INPP1: variants seen among roughly 807,000 people sequenced by gnomAD.
INPP1 encodes the protein inositol polyphosphate-1-phosphatase.
Under a neutral mutation model 23.0 loss-of-function variants are expected in INPP1, and 18 were observed. That is an observed-to-expected ratio of 0.78 (90% CI 0.54 to 1.16). The LOEUF is 1.16. Ranked by LOEUF, INPP1 falls within the 50% of genes most tolerant of loss-of-function variation. INPP1 has a pLI of 0.00. For missense variants in INPP1, 448 were observed against 482.1 expected, an observed-to-expected ratio of 0.93 and a Z score of 0.66; for synonymous variants, 164 against 176.3, an observed-to-expected ratio of 0.93 and a Z score of 0.55.
chr2:190,365,959 T>TGCTCTCTCTCGCTCTCTCGCTCTGTCTC (rs1251176552), intron 4 of INPP1, among the ~76,000 whole-genome samples: 1 of 114,080 alleles, frequency 8.8e-6, no homozygotes, highest in Non-Finnish European at 1.8e-5. Flanking sequence ...CTCACTCTTT[T>TGCTCTCTCTCGCTCTCTCGCTCTGTCTC]GCTCTCTCTC....
chr2:190,358,470 G>A (rs1370168961), intron 2 of INPP1, among the ~76,000 whole-genome samples: 1 of 152,118 alleles, frequency 6.6e-6, no homozygotes, highest in Non-Finnish European at 1.5e-5. Flanking sequence ...CGCCTGCCTC[G>A]GCCTTCCAAA....
chr2:190,350,737 TA>T (rs1689309091), intron 2 of INPP1, among the ~76,000 whole-genome samples: 2 of 152,224 alleles, frequency 1.3e-5, no homozygotes, highest in African/African-American at 4.8e-5. Context: ...AGAGAAATGT[TA>T]GGGTTAAATA....
At chr2:190,369,708 G>A (rs898811856) in intron 6 of INPP1, among the ~76,000 whole-genome samples, 3 of 152,194 alleles carry the variant, frequency 2.0e-5, no homozygotes, top group Non-Finnish European at 4.4e-5. Context: ...CCAATGAAAA[G>A]ATTGGTAGGC....
Position 190,360,112 on chromosome 2 carries a change from A to C in INPP1, c.10A>C (p.Ile4Leu), listed in dbSNP as rs1689505410. MSD[I>L]LRELLCVSEK... ...AAAGCAAGGTTCAGAAATGTCAGAT[A>C]TCCTCCGGGAGCTGCTCTGTGTCTC... The change falls in exon 3 of 7, where the codon ATC (isoleucine) becomes CTC (leucine). Residue 4 changes from isoleucine (I) to leucine (L), a missense_variant. Coordinates refer to ENST00000392329, the MANE Select transcript of INPP1 (RefSeq NM_001128928.2). 6.2e-7 allele frequency: 1 copy of C among 1,613,088 alleles called. No homozygotes were observed. The highest frequency in any genetic ancestry group is 8.5e-7 in the Non-Finnish European group (1 of 1,179,984).
At position 190,356,152 on chromosome 2, in the gene INPP1, A is replaced by G. The variant is rs570954896; in HGVS notation, c.-64-3887A>G. ...TGTGAACTGAGTTGAGGATACATGG[A>G]GAGCCAGGGCCTTGGAGAAAGGGAA... is the stretch of plus-strand genomic sequence containing the variant. On this transcript the variant is annotated intron_variant, in intron 2 of 6. Transcript: ENST00000392329. The surrounding 1 kb of genome is among the most constrained non-coding windows in gnomAD (Gnocchi z 6.4). Among the ~76,000 whole-genome samples, 8 of 152,308 alleles carry G rather than the reference A, an allele frequency of 5.3e-5. No homozygotes were observed. The South Asian group carries it at 1.7e-3, about 32-fold the overall frequency.
chr2:190,360,485 G>T (rs1225377488), intron 3 of INPP1, among the ~76,000 whole-genome samples, 179 bp downstream of exon 3: 1 of 152,060 alleles, frequency 6.6e-6, no homozygotes, highest in East Asian at 1.9e-4. Context: ...AATGTTCATT[G>T]CAGGAAATCT....
In INPP1 at chr2:190,371,107, T is replaced by C; in HGVS notation, c.905T>C (p.Val302Ala). ...AGCCTATGTGTTGTCCAAGGCCTCG[T>C]TGACATTTACATCTTTTCAGAAGAT... ...YKSLCVVQGLVDIYIFSEDTT... is the reference protein window; with the variant it reads ...YKSLCVVQGLADIYIFSEDTT... The change falls in exon 7 of 7, where the codon GTT (valine) becomes GCT (alanine). Residue 302 changes from valine to alanine, a missense_variant. Physicochemically the swap from Val to Ala is moderately conservative, Grantham distance 64. Coordinates refer to ENST00000392329, the MANE Select transcript of INPP1 (RefSeq NM_001128928.2). This position sits in a 1 kb window ranked among gnomAD's most constrained non-coding sequence, Gnocchi z 5.3. The C allele has an allele frequency of 1.9e-6, 3 of 1,614,234 alleles. No individual in the cohort carries two copies. Among genetic ancestry groups the C allele is most frequent in the Non-Finnish European group, 1.7e-6 (2 of 1,180,040 alleles).
rs534906149 is a variant in INPP1 at position 190,354,450 on chromosome 2, C to T, written c.-65+5419C>T. On this transcript the variant is annotated intron_variant, in intron 2 of 6. Coordinates refer to ENST00000392329, the MANE Select transcript of INPP1 (RefSeq NM_001128928.2). This position sits in a 1 kb window ranked among gnomAD's most constrained non-coding sequence, Gnocchi z 4.8. ...ATGGGACTGTACTTGCAGATAGGAC[C>T]TTTAAAGTTTATGTGAGGTCATACA... Among the ~76,000 whole-genome samples, 32 of 152,270 alleles carry T rather than the reference C, an allele frequency of 2.1e-4. No homozygotes were observed. Among genetic ancestry groups the T allele is most frequent in the Admixed American group, 4.6e-4 (7 of 15,298 alleles).
At chr2:190,366,217 GTC>G (rs1189512482) in intron 4 of INPP1, among the ~76,000 whole-genome samples, 2 of 127,814 alleles carry the variant, frequency 1.6e-5, no homozygotes, top group Non-Finnish European at 3.3e-5. Flanking sequence ...CTCTCGCTCT[GTC>G]TCTCTCTTGC....
At position 190,363,021 on chromosome 2, in the gene INPP1, A is replaced by G; in HGVS notation, c.265+334A>G. On this transcript the variant is annotated intron_variant, in intron 4 of 6. Transcript: ENST00000392329. The surrounding 1 kb of genome is among the most constrained non-coding windows in gnomAD (Gnocchi z 4.4). The stretch of plus-strand genomic sequence containing the variant: ...ATTAATGCCCCAAAGATGCCCATCT[A>G]CAAAATTATGCAGACAATTTCAGAT... 5.5e-6 allele frequency: 1 copy of G among 182,232 alleles called. No homozygotes were observed. Among genetic ancestry groups the G allele is most frequent in the Non-Finnish European group, 1.1e-5 (1 of 88,314 alleles). The allele number at this position is 182,232 out of a possible 1,614,324, so 11.3% of individuals were successfully genotyped here.
chr2:190,369,305 A>T (rs1156894743), intron 6 of INPP1, 28 bp downstream of exon 6: 4 of 1,438,308 alleles, frequency 2.8e-6, no homozygotes, highest in African/African-American at 2.8e-5. Flanking sequence ...TTGGTATATT[A>T]TGGTTGTTAG....
chr2:190,357,840 A>G (rs865873478), intron 2 of INPP1, among the ~76,000 whole-genome samples: 36 of 152,332 alleles, frequency 2.4e-4, no homozygotes, highest in African/African-American at 7.9e-4. Context: ...TGTAAACTTT[A>G]AAACATATAC....
chr2:190,369,214 C>G lies in INPP1; in HGVS notation c.578C>G (p.Thr193Arg), dbSNP rs747680282. 2 of 1,606,520 alleles carry G rather than the reference C, an allele frequency of 1.2e-6. No homozygotes were observed. The highest frequency in any genetic ancestry group is 3.3e-5 in the Admixed American group (2 of 59,898). ...TTAATTGGTGTCTATGACATACAGA[C>G]AGGGGTTCCCCTGATGGGAGTCATC... ...TILIGVYDIQ[T>R]GVPLMGVINQ... is the part of the protein sequence containing the mutation. Residue 193 changes from threonine to arginine, a missense_variant, in exon 6 of 7, where the codon ACA (threonine) becomes AGA (arginine). Thr to Arg is a moderately conservative substitution (Grantham distance 71, BLOSUM62 -1). Coordinates refer to ENST00000392329, the MANE Select transcript of INPP1 (RefSeq NM_001128928.2).
chr2:190,371,445 A>G lies in INPP1; in HGVS notation c.*43A>G, dbSNP rs762624803. ...TGTACCTGTATAAACTGAACTGTGA[A>G]ACTGTTTCGGTTATCTCTGTCTTTT... On this transcript the variant is annotated 3_prime_UTR_variant, in exon 7 of 7. Coordinates refer to ENST00000392329, the MANE Select transcript of INPP1 (RefSeq NM_001128928.2). This position sits in a 1 kb window ranked among gnomAD's most constrained non-coding sequence, Gnocchi z 5.3. The G allele has an allele frequency of 1.4e-6, 2 of 1,420,614 alleles. No homozygotes were observed. The highest frequency in any genetic ancestry group is 5.0e-5 in the Admixed American group (2 of 40,264). The allele number at this position is 1,420,614 out of a possible 1,614,324, so 88.0% of individuals were successfully genotyped here.
rs1003890052 is a variant in INPP1 at position 190,366,627 on chromosome 2, C to T, written c.266-68C>T. On this transcript the variant is annotated intron_variant, in intron 4 of 6. Coordinates refer to ENST00000392329, the MANE Select transcript of INPP1 (RefSeq NM_001128928.2). ...TCTCTGTCTCTCTCACTCTTTAGCT[C>T]TCTCTCTCTGTTCTTTCTCCACTGA... The T allele has an allele frequency of 3.6e-6, 4 of 1,111,120 alleles. No homozygotes were observed. In the African/African-American group the frequency reaches 6.2e-5, roughly 17 times the overall value. The allele number at this position is 1,111,120 out of a possible 1,614,324, so 68.8% of individuals were successfully genotyped here.
chr2:190,366,409 CTCTCACTCTGTCTCACTCTG>C (rs10601586), intron 4 of INPP1, among the ~76,000 whole-genome samples: 3,504 of 145,422 alleles, frequency 0.024, 96 homozygotes, highest in East Asian at 0.065. Flanking sequence ...GTCTCTCTTG[CTCTCACTCTGTCTCACTCTG>C]TCTCACTCTG....
At position 190,345,280 on chromosome 2, in the gene INPP1, A is replaced by T. The variant is rs1464643697; in HGVS notation, c.-209+1319A>T. Among the ~76,000 whole-genome samples the T allele has an allele frequency of 1.3e-5, 2 of 152,218 alleles. No individual in the cohort carries two copies. The highest frequency in any genetic ancestry group is 4.8e-5 in the African/African-American group (2 of 41,452). ...TTGGACTAAACCACCGCTTGCTTGG[A>T]AATTGCAGCTTTGACTAATGCCCTT... On this transcript the variant is annotated intron_variant, in intron 1 of 6. Coordinates refer to ENST00000392329, the MANE Select transcript of INPP1 (RefSeq NM_001128928.2). The surrounding 1 kb of genome is among the most constrained non-coding windows in gnomAD (Gnocchi z 4.9).
Position 190,349,879 on chromosome 2 carries a change from G to A in INPP1, c.-65+848G>A, listed in dbSNP as rs867631068. 1.2e-4 allele frequency among the ~76,000 whole-genome samples: 18 copies of A among 152,246 alleles called. No individual in the cohort carries two copies. In the Middle Eastern group the frequency reaches 0.014, roughly 115 times the overall value. On this transcript the variant is annotated intron_variant, in intron 2 of 6. Coordinates refer to ENST00000392329, the MANE Select transcript of INPP1 (RefSeq NM_001128928.2). The stretch of plus-strand genomic sequence containing the variant: ...GTTTGTTTTTGAGACAGAGTTCACC[G>A]TGTCACCTAGGCTGGAGTGCAGTGG...
chr2:190,365,499 A>G (rs1291393095), intron 4 of INPP1, among the ~76,000 whole-genome samples: 2 of 152,262 alleles, frequency 1.3e-5, no homozygotes, highest in African/African-American at 4.8e-5. Context: ...CAAATTTTAA[A>G]AAGATTAATG....
Sources: allele counts gnomAD v4.1 joint callset (sites outside exome capture counted in the v4.1 genomes callset), GRCh38; gene constraint gnomAD v4.1.1; non-coding constraint Gnocchi (gnomAD v3.1); transcripts MANE v1.5; gene names NCBI Gene and HGNC (gene_info 2026-07-23, HGNC 2026-07-21).